The following ADGRB1 variants were observed in gnomAD, a reference collection of about 807,000 sequenced individuals.
ADGRB1 encodes adhesion G protein-coupled receptor B1.
Under a neutral mutation model 175.7 loss-of-function variants are expected in ADGRB1, and 36 were observed. The observed-to-expected ratio is 0.20, with a 90% confidence interval of 0.16 to 0.27. The LOEUF (loss-of-function observed/expected upper bound fraction) is 0.27, where lower values mean the gene tolerates loss of function less well. ADGRB1 is among the 10% of genes least tolerant of loss of function. The pLI, the probability that ADGRB1 is intolerant of heterozygous loss-of-function variation, is 1.00. For synonymous variants in ADGRB1, 1,054 were observed against 979.4 expected (o/e 1.08, Z -1.42); for missense variants, 1,731 against 2,255.3 (o/e 0.77, Z 4.71).
chr8:142,522,444 A>G (rs1393618260), intron 21 of ADGRB1, among the ~76,000 whole-genome samples, 197 bp from the exon 22 acceptor site: 1 of 152,172 alleles, frequency 6.6e-6, no homozygotes, highest in Admixed American at 6.5e-5. Flanking sequence ...TTCTCTGCTC[A>G]TTGGACCACC....
chr8:142,502,574 G>GTACTGA (rs1157677804), intron 17 of ADGRB1, among the ~76,000 whole-genome samples: 5 of 132,274 alleles, frequency 3.8e-5, no homozygotes, highest in Non-Finnish European at 8.5e-5. Flanking sequence ...TGATAGGATG[G>GTACTGA]TGGTTCAGTC....
intron 24 of ADGRB1, among the ~76,000 whole-genome samples, chr8:142,528,589 A>C (rs1844375919): frequency 1.3e-5 from 2 of 151,736 alleles, no homozygotes; most frequent in African/African-American, 4.8e-5. Context: ...AAGTGTGCCG[A>C]GTGTGGAGTC....
intron 1 of ADGRB1, among the ~76,000 whole-genome samples, chr8:142,461,599 C>G (rs1839973454): frequency 6.6e-6 from 1 of 152,340 alleles, no homozygotes; most frequent in African/African-American, 2.4e-5. Context: ...CCTGTGCCTG[C>G]TCCTGGCACC....
intron 17 of ADGRB1, among the ~76,000 whole-genome samples, chr8:142,500,782 C>A (rs1401551869): frequency 6.6e-6 from 1 of 152,160 alleles, no homozygotes; most frequent in Non-Finnish European, 1.5e-5. Context: ...AGTGTCCATT[C>A]TCTGACCTTG....
At position 142,478,292 on chromosome 8, in the gene ADGRB1, C is replaced by T. The variant is rs375491096; in HGVS notation, c.1493C>T (p.Ser498Phe). The T allele has an allele frequency of 6.2e-7, 1 of 1,610,672 alleles. No individual in the cohort carries two copies. The highest frequency in any genetic ancestry group is 8.5e-7 in the Non-Finnish European group (1 of 1,179,104). Reference sequence around the variant, plus strand: ...CGCACGCGTGAATGCAACGGGCCTTCCTACGGGGGTGCGGAGTGCCAGGGC... The same window carrying T: ...CGCACGCGTGAATGCAACGGGCCTTTCTACGGGGGTGCGGAGTGCCAGGGC... ...QQRTRECNGP[S>F]YGGAECQGHW... is the part of the protein sequence containing the mutation. The change falls in exon 7 of 31, where the codon TCC (serine) becomes TTC (phenylalanine). Residue 498 changes from serine (S) to phenylalanine (F), a missense_variant. Around this residue, in one of 8 missense-constraint regions of ADGRB1, gnomAD observed 388 missense variants for 630.9 expected, o/e 0.61. Coordinates refer to ENST00000517894, the MANE Select transcript of ADGRB1 (RefSeq NM_001702.3).
At chr8:142,507,516 C>T (rs571229215) in intron 17 of ADGRB1, among the ~76,000 whole-genome samples, 2 of 152,230 alleles carry the variant, frequency 1.3e-5, no homozygotes, top group African/African-American at 2.4e-5. Flanking sequence ...CAGCCCGTCT[C>T]TCTCCCTGCC....
chr8:142,463,549 C>G lies in ADGRB1; in HGVS notation c.-219-431C>G, dbSNP rs549886010. ...GTTAGAGAGGAGGGACCAAGGTCAG[C>G]AGGAAAGACAGAGCCTGAGAGAGCT... On this transcript the variant is annotated intron_variant, in intron 1 of 30. Transcript: ENST00000517894. Among the ~76,000 whole-genome samples, 6 of 152,306 alleles carry G rather than the reference C, an allele frequency of 3.9e-5. No homozygotes were observed. The East Asian group carries it at 1.2e-3, about 30-fold the overall frequency.
intron 11 of ADGRB1, 44 bp from the exon 12 acceptor site, chr8:142,483,933 G>A: frequency 6.3e-7 from 1 of 1,598,890 alleles, no homozygotes; most frequent in Non-Finnish European, 8.6e-7. Flanking sequence ...CGGTGATTTT[G>A]TGCCCTGTTC....
chr8:142,513,688 G>A (rs1309853684), intron 18 of ADGRB1, among the ~76,000 whole-genome samples: 3 of 152,186 alleles, frequency 2.0e-5, no homozygotes, highest in Non-Finnish European at 2.9e-5. Context: ...CTCCCCTCCT[G>A]AGTGTGGTGT....
In ADGRB1 at chr8:142,542,363, C is replaced by T; in HGVS notation, c.4129C>T (p.Leu1377Phe). 6.3e-7 allele frequency: 1 copy of T among 1,594,848 alleles called. No individual in the cohort carries two copies. The highest frequency in any genetic ancestry group is 8.5e-7 in the Non-Finnish European group (1 of 1,171,768). ...CATTGACCAGATGCCGCAGACCCGC[C>T]TCATCCACCTCAGCACGGCCCCCGA... ...IHIDQMPQTR[L>F]IHLSTAPEAS... is the part of the protein sequence containing the mutation. Residue 1377 changes from leucine to phenylalanine, a missense_variant, in exon 28 of 31, where the codon CTC becomes TTC. Leu to Phe is a conservative substitution (Grantham distance 22). This residue lies in a region of ADGRB1 where 394 missense variants were observed against 410.2 expected (regional missense o/e 0.96). Transcript: ENST00000517894. This position sits in a 1 kb window ranked among gnomAD's most constrained non-coding sequence, Gnocchi z 6.3.
Position 142,481,569 on chromosome 8 carries a change from C to T in ADGRB1, c.1988C>T (p.Ser663Leu), listed in dbSNP as rs1841340618. 2 of 1,599,530 alleles carry T rather than the reference C, an allele frequency of 1.3e-6. No homozygotes were observed. Among genetic ancestry groups the T allele is most frequent in the Non-Finnish European group, 1.7e-6 (2 of 1,173,330 alleles). ...AQRGLPGEGV[S>L]EVIQTLVEIS... ...CGAGGGCTGCCTGGGGAGGGGGTCTCGGAGGTCATCCAGACACTGGTGGAG... is the reference window on the plus strand; with the variant it reads ...CGAGGGCTGCCTGGGGAGGGGGTCTTGGAGGTCATCCAGACACTGGTGGAG... The change falls in exon 11 of 31, where the codon TCG (serine) becomes TTG (leucine). Residue 663 changes from serine to leucine, a missense_variant. Physicochemically the swap from Ser to Leu is moderately radical, Grantham distance 145 (BLOSUM62 -2). Transcript: ENST00000517894.
intron 2 of ADGRB1, among the ~76,000 whole-genome samples, chr8:142,469,209 G>A (rs1244892145): frequency 6.6e-6 from 1 of 151,954 alleles, no homozygotes; most frequent in Non-Finnish European, 1.5e-5. Flanking sequence ...ATGTGTGAAT[G>A]TGTGTGCATA....
At chr8:142,515,318 G>T (rs1563730229) in intron 18 of ADGRB1, among the ~76,000 whole-genome samples, 1 of 152,216 alleles carries the variant, frequency 6.6e-6, no homozygotes, top group Non-Finnish European at 1.5e-5. Flanking sequence ...GCCGGTCTTG[G>T]TCTACCCCTC....
intron 1 of ADGRB1, among the ~76,000 whole-genome samples, chr8:142,451,069 C>A (rs1217004280): frequency 6.6e-6 from 1 of 152,312 alleles, no homozygotes; most frequent in East Asian, 1.9e-4. Flanking sequence ...CCTGGGGAGG[C>A]TGGGAGCTCT....
chr8:142,506,244 G>A (rs1367577780), intron 17 of ADGRB1, among the ~76,000 whole-genome samples: 1 of 152,212 alleles, frequency 6.6e-6, no homozygotes, highest in Admixed American at 6.5e-5. Flanking sequence ...GCAGAGGGGT[G>A]GGCAGTGGCT....
At chr8:142,487,946 G>A (rs1386554517) in intron 13 of ADGRB1, among the ~76,000 whole-genome samples, 1 of 152,212 alleles carries the variant, frequency 6.6e-6, no homozygotes, top group Non-Finnish European at 1.5e-5. Flanking sequence ...CAGAGCTGGA[G>A]GGCAGCTGGG....
chr8:142,484,178 G>A, intron 12 of ADGRB1, 133 bp downstream of exon 12: 1 of 722,018 alleles, frequency 1.4e-6, no homozygotes, highest in South Asian at 1.8e-5. Context: ...ATGGTCTCTT[G>A]CTGGTGTTGG....
intron 16 of ADGRB1, 62 bp from the exon 17 acceptor site, chr8:142,490,710 A>G: frequency 6.6e-7 from 1 of 1,524,550 alleles, no homozygotes. Flanking sequence ...TCCCATGGTG[A>G]CCCGAGGGTG....
At chr8:142,489,962 T>G (rs369565438) in intron 16 of ADGRB1, among the ~76,000 whole-genome samples, 125 of 152,184 alleles carry the variant, frequency 8.2e-4, no homozygotes, top group African/African-American at 2.8e-3. Flanking sequence ...TCCTTGGAGC[T>G]CTCCAGAGCC....
Sources: allele counts gnomAD v4.1 joint callset (sites outside exome capture counted in the v4.1 genomes callset), GRCh38; gene constraint gnomAD v4.1.1; regional missense constraint gnomAD v4.1.1; non-coding constraint Gnocchi (gnomAD v3.1); transcripts MANE v1.5; gene names NCBI Gene and HGNC (gene_info 2026-07-23, HGNC 2026-07-21).